NAALAD2: variants seen among roughly 807,000 people sequenced by gnomAD.
NAALAD2 encodes the protein N-acetylated-alpha-linked acidic dipeptidase 2.
NAALAD2 carries 89 observed loss-of-function variants against 95.6 expected under a neutral mutation model. The observed-to-expected ratio is 0.93, with a 90% CI of 0.78 to 1.11. The LOEUF (loss-of-function observed/expected upper bound fraction) is 1.11. Among genes scored for constraint, NAALAD2 ranks in the 50% least tolerant of loss-of-function variants. NAALAD2 has a pLI of 0.00. For missense variants in NAALAD2, 894 were observed against 872.4 expected, an observed-to-expected ratio of 1.02 and a Z score of -0.31; for synonymous variants, 264 against 294.4, an observed-to-expected ratio of 0.90 and a Z score of 1.06.
At position 90,191,831 on chromosome 11, in the gene NAALAD2, G is replaced by T. The variant is rs1381538854; in HGVS notation, c.*84G>T. The stretch of plus-strand genomic sequence containing the variant: ...CTTTCTGATAACTTATGAAGCCAGG[G>T]TGTTCTAAACTCTTTTCATGTCATG... On this transcript the variant is annotated 3_prime_UTR_variant, in exon 19 of 19. Coordinates refer to ENST00000534061, the MANE Select transcript of NAALAD2 (RefSeq NM_005467.4). The T allele has an allele frequency of 1.8e-6, 2 of 1,135,306 alleles. No individual in the cohort carries two copies. The highest frequency in any genetic ancestry group is 2.4e-6 in the Non-Finnish European group (2 of 841,816). 70.3% of individuals were successfully genotyped at this position (1,135,306 alleles called of 1,614,324 possible).
chr11:90,168,295 G>A (rs559047266), intron 11 of NAALAD2, among the ~76,000 whole-genome samples: 1 of 152,160 alleles, frequency 6.6e-6, no homozygotes, highest in Non-Finnish European at 1.5e-5. Context: ...CTTTAAGAAC[G>A]GTAACACTCA....
chr11:90,183,678 A>C (rs1857033801), intron 18 of NAALAD2, among the ~76,000 whole-genome samples: 1 of 152,164 alleles, frequency 6.6e-6, no homozygotes, highest in South Asian at 2.1e-4. Flanking sequence ...TCAGTGTAGT[A>C]TTCAATAAAT....
chr11:90,174,529 TATATA>T (rs1235383485), intron 14 of NAALAD2, among the ~76,000 whole-genome samples: 4 of 152,228 alleles, frequency 2.6e-5, no homozygotes, highest in South Asian at 4.1e-4. Flanking sequence ...GGTGTATTAA[TATATA>T]ATATAACTTC....
At chr11:90,170,533 A>G (rs535878186) in intron 13 of NAALAD2, among the ~76,000 whole-genome samples, 1 of 152,360 alleles carries the variant, frequency 6.6e-6, no homozygotes, top group South Asian at 2.1e-4. Flanking sequence ...AATGAATTAT[A>G]GCAGCAATAG....
Position 90,173,892 on chromosome 11 carries a change from A to G in NAALAD2, c.1479A>G (p.Ser493=). Residue 493 remains serine (S), a synonymous_variant, in exon 14 of 19, where the codon TCA becomes TCG. Coordinates refer to ENST00000534061, the MANE Select transcript of NAALAD2 (RefSeq NM_005467.4). ...LYESWLEKDP[S]PENKNLPRIN... ...AAAGCTGGTTGGAAAAAGACCCTTCACCTGAAAATAAAAATTTGCCTAGGT... is the reference window on the plus strand; with the variant it reads ...AAAGCTGGTTGGAAAAAGACCCTTCGCCTGAAAATAAAAATTTGCCTAGGT... 2 of 1,612,230 alleles carry G rather than the reference A, an allele frequency of 1.2e-6. No individual in the cohort carries two copies. Among genetic ancestry groups the G allele is most frequent in the Non-Finnish European group, 1.7e-6 (2 of 1,179,140 alleles).
chr11:90,146,716 CTA>C (rs1294023770), intron 2 of NAALAD2, among the ~76,000 whole-genome samples: 2 of 152,002 alleles, frequency 1.3e-5, no homozygotes, highest in Non-Finnish European at 1.5e-5. Context: ...TCACTAAGAA[CTA>C]TGTTTGTGGG....
At chr11:90,172,674 GGT>G in intron 13 of NAALAD2, among the ~76,000 whole-genome samples, 1 of 152,102 alleles carries the variant, frequency 6.6e-6, no homozygotes, top group Middle Eastern at 3.4e-3. Context: ...AAATTTGTTT[GGT>G]GTGTGTATCC....
intron 2 of NAALAD2, among the ~76,000 whole-genome samples, chr11:90,144,098 C>T (rs1030999735): frequency 6.6e-6 from 1 of 152,022 alleles, no homozygotes; most frequent in Admixed American, 6.6e-5. Flanking sequence ...TAGGAATGAA[C>T]ATCACTTGAA....
At position 90,149,890 on chromosome 11, in the gene NAALAD2, A is replaced by G. The variant is rs1221009982; in HGVS notation, c.484-592A>G. Among the ~76,000 whole-genome samples the G allele has an allele frequency of 5.3e-5, 8 of 152,206 alleles. No individual in the cohort carries two copies. In the East Asian group the frequency reaches 1.2e-3, roughly 22 times the overall value. On this transcript the variant is annotated intron_variant, in intron 4 of 18. Coordinates refer to ENST00000534061, the MANE Select transcript of NAALAD2 (RefSeq NM_005467.4). ...AAATATAGTTAGGATCTTTAAAATG[A>G]CATTTATTTACTCTATTCCCTGTGG...
chr11:90,166,262 A>G (rs1952440120), intron 11 of NAALAD2, among the ~76,000 whole-genome samples: 1 of 151,978 alleles, frequency 6.6e-6, no homozygotes, highest in African/African-American at 2.4e-5. Context: ...TCTGTGTGTT[A>G]GTTTTGCTTT....
chr11:90,150,876 A>G (rs1202947597), intron 5 of NAALAD2, among the ~76,000 whole-genome samples: 1 of 152,136 alleles, frequency 6.6e-6, no homozygotes, highest in African/African-American at 2.4e-5. Flanking sequence ...TAAAAAATGA[A>G]AAGCTTCTCT....
intron 18 of NAALAD2, among the ~76,000 whole-genome samples, chr11:90,188,380 G>C (rs1441701399): frequency 6.6e-6 from 1 of 152,084 alleles, no homozygotes; most frequent in Middle Eastern, 3.2e-3. Flanking sequence ...AATGTTTATT[G>C]TGAATAAAAA....
At chr11:90,183,597 G>C (rs1857031941) in intron 18 of NAALAD2, among the ~76,000 whole-genome samples, 1 of 152,046 alleles carries the variant, frequency 6.6e-6, no homozygotes, top group East Asian at 1.9e-4. Flanking sequence ...GCGTTATGAT[G>C]GTGCAAAGGC....
Position 90,168,922 on chromosome 11 carries a change from A to C in NAALAD2, c.1279-7A>C. Reference sequence around the variant, plus strand: ...TGAATTAAGTAACAACTTTGCTTCAACTACAGGAGAATGTCAAAATACTCC... The same window carrying C: ...TGAATTAAGTAACAACTTTGCTTCACCTACAGGAGAATGTCAAAATACTCC... On this transcript the variant is annotated splice_polypyrimidine_tract_variant and splice_region_variant and intron_variant, in intron 11 of 18. Coordinates refer to ENST00000534061, the MANE Select transcript of NAALAD2 (RefSeq NM_005467.4). The C allele has an allele frequency of 6.2e-7, 1 of 1,602,412 alleles. No individual in the cohort carries two copies. Among genetic ancestry groups the C allele is most frequent in the Non-Finnish European group, 8.5e-7 (1 of 1,174,220 alleles).
chr11:90,137,784 G>A (rs547180780), intron 2 of NAALAD2, among the ~76,000 whole-genome samples: 81 of 151,852 alleles, frequency 5.3e-4, no homozygotes, highest in African/African-American at 1.8e-3. Flanking sequence ...TTTTATTTTT[G>A]TTTATTTTAT....
intron 8 of NAALAD2, chr11:90,162,549 T>C (rs1016103005): frequency 1.2e-4 from 19 of 152,192 alleles, no homozygotes; most frequent in African/African-American, 4.3e-4. Context: ...TTTTTCTTTA[T>C]TACATAATGG....
At chr11:90,146,512 C>T (rs968420706) in intron 2 of NAALAD2, among the ~76,000 whole-genome samples, 3 of 151,356 alleles carry the variant, frequency 2.0e-5, no homozygotes, top group African/African-American at 2.4e-5. Flanking sequence ...GCACCCGCCA[C>T]GACGCCTGGC....
rs1951434877 is a variant in NAALAD2 at position 90,135,592 on chromosome 11, C to T, written c.116C>T (p.Thr39Ile). 1 of 1,612,212 alleles carries T rather than the reference C, an allele frequency of 6.2e-7. No individual in the cohort carries two copies. The highest frequency in any genetic ancestry group is 8.5e-7 in the Non-Finnish European group (1 of 1,179,044). ...WFIKPLKETT[T>I]SVRYHQSIRW... ...ATTAAGCCTCTCAAAGAAACGACCA[C>T]TTCTGTGCGCTATCATCAAAGTATA... The change falls in exon 2 of 19, where the codon ACT becomes ATT. Residue 39 changes from threonine to isoleucine, a missense_variant. Thr to Ile is a moderately conservative substitution (Grantham distance 89, BLOSUM62 -1). Transcript: ENST00000534061.
At chr11:90,155,596 A>C (rs866564834) in intron 6 of NAALAD2, among the ~76,000 whole-genome samples, 1 of 99,016 alleles carries the variant, frequency 1.0e-5, no homozygotes, top group Non-Finnish European at 1.9e-5. Context: ...ATATATATGT[A>C]ATAATATATA....
Sources: gnomAD v4.1 joint callset for allele counts (sites outside exome capture counted in the v4.1 genomes callset) on GRCh38, gnomAD v4.1.1 for gene constraint, MANE v1.5 for transcripts, NCBI Gene and HGNC (gene_info 2026-07-23, HGNC 2026-07-21) for gene names.